The following TASOR2 variants were observed in gnomAD, a reference collection of about 807,000 sequenced individuals.
The protein encoded by TASOR2 is protein TASOR 2.
A neutral mutation model predicts 199.5 loss-of-function variants in TASOR2; 84 were observed. That is an observed-to-expected ratio of 0.42 (90% confidence interval 0.35 to 0.50). The LOEUF (loss-of-function observed/expected upper bound fraction) is 0.50. Ranked by LOEUF, TASOR2 falls within the 20% of genes least tolerant of loss-of-function variation. The probability of loss-of-function intolerance (pLI) is 0.02; values close to 1 mark genes in which losing one functional copy is unlikely to be tolerated. For synonymous variants in TASOR2, 1,103 were observed against 1,046.6 expected, an observed-to-expected ratio of 1.05 and a Z score of -1.04; for missense variants, 2,796 against 2,835.9, an observed-to-expected ratio of 0.99 and a Z score of 0.32.
chr10:5,739,593 C>CTT (rs369547597), intron 12 of TASOR2, 25 bp from the exon 14 acceptor site: 24 of 1,422,574 alleles, frequency 1.7e-5, no homozygotes, highest in African/African-American at 1.2e-4. Context: ...AAACATCTCT[C>CTT]TTTTTTTTTT....
chr10:5,696,171 G>A (rs901273480), intron 1 of TASOR2, among the ~76,000 whole-genome samples: 1 of 152,134 alleles, frequency 6.6e-6, no homozygotes, highest in Non-Finnish European at 1.5e-5. Flanking sequence ...AAACTATCAG[G>A]CTTACGTGCC....
chr10:5,748,496 G>A lies in TASOR2; in HGVS notation c.5075G>A (p.Ser1692Asn). 6.2e-7 allele frequency: 1 copy of A among 1,613,964 alleles called. No homozygotes were observed. The highest frequency in any genetic ancestry group is 8.5e-7 in the Non-Finnish European group (1 of 1,180,042). The change falls in exon 15 of 21, where the codon AGT becomes AAT. Residue 1692 changes from serine to asparagine, a missense_variant. Coordinates refer to ENST00000328090, the Ensembl canonical transcript of TASOR2. This position sits in a 1 kb window ranked among gnomAD's most constrained non-coding sequence, Gnocchi z 5.1. ...GAAATACCAGCAGGCAGAATGGCCA[G>A]TTTGCTTAAGAATGGTGAGCCTGAA...
At chr10:5,761,218 A>T in intron 18 of TASOR2, 72 bp from the exon 20 acceptor site, 1 of 1,356,310 alleles carries the variant, frequency 7.4e-7, no homozygotes, top group Non-Finnish European at 1.0e-6. Context: ...TTGAATGGTT[A>T]AACTGAAGGC....
chr10:5,704,912 C>G (rs983243534), intron 1 of TASOR2, among the ~76,000 whole-genome samples: 2 of 152,094 alleles, frequency 1.3e-5, no homozygotes, highest in Non-Finnish European at 2.9e-5. Context: ...GGTCAGAGAT[C>G]AGTTGTTTTT....
At chr10:5,747,453 A>G (rs376668125) in exon 15 of TASOR2, 2 of 1,614,098 alleles carry the variant, frequency 1.2e-6, no homozygotes, top group African/African-American at 1.3e-5. Context: ...ACAATGTGTC[A>G]GTATATCCCT....
chr10:5,748,546 G>A lies in TASOR2; in HGVS notation c.5125G>A (p.Gly1709Ser), dbSNP rs749691854. The change falls in exon 15 of 21, where the codon GGT becomes AGT. Residue 1709 changes from glycine (G) to serine (S), a missense_variant. Physicochemically the swap from Gly to Ser is moderately conservative, Grantham distance 56. Around this residue, in one of 3 missense-constraint regions of TASOR2, gnomAD observed 1,941 missense variants for 1,924.9 expected, o/e 1.01. Coordinates refer to ENST00000328090, the Ensembl canonical transcript of TASOR2. This position sits in a 1 kb window ranked among gnomAD's most constrained non-coding sequence, Gnocchi z 5.1. ...AGCTGAGTTACATAAAGAAACCACA[G>A]GTCCAGGCACTGCTGGCCCTCAGTC... is the stretch of plus-strand genomic sequence containing the variant. 1 of 1,613,260 alleles carries A rather than the reference G, an allele frequency of 6.2e-7. No homozygotes were observed. The highest frequency in any genetic ancestry group is 2.2e-5 in the East Asian group (1 of 44,906).
chr10:5,728,457 G>A (rs1834350223), intron 10 of TASOR2, among the ~76,000 whole-genome samples: 1 of 151,990 alleles, frequency 6.6e-6, no homozygotes, highest in African/African-American at 2.4e-5. Flanking sequence ...CCAACATGGT[G>A]AAACCCCGTC....
At position 5,740,596 on chromosome 10, in the gene TASOR2, AAG is replaced by A. The variant is rs1379126980; in HGVS notation, c.2327+101_2327+102del. ...TTATGCCAAACTCTGGAGAAGGAGA[AAG>A]AAGTGTTGTGTTTAAAACCAGTAAT... On this transcript the variant is annotated intron_variant, in intron 13 of 20. Transcript: ENST00000328090. This position sits in a 1 kb window ranked among gnomAD's most constrained non-coding sequence, Gnocchi z 5.3. 21 of 1,285,990 alleles carry A rather than the reference AAG, an allele frequency of 1.6e-5. No homozygotes were observed. The highest frequency in any genetic ancestry group is 3.2e-6 in the Non-Finnish European group (3 of 934,914). 79.7% of individuals were successfully genotyped at this position (1,285,990 alleles called of 1,614,324 possible).
At position 5,748,686 on chromosome 10, in the gene TASOR2, T is replaced by C; in HGVS notation, c.5265T>C (p.Gly1755=). 6.2e-7 allele frequency: 1 copy of C among 1,614,194 alleles called. No individual in the cohort carries two copies. The highest frequency in any genetic ancestry group is 8.5e-7 in the Non-Finnish European group (1 of 1,180,042). The stretch of plus-strand genomic sequence containing the variant: ...TCGGGGTTTCCTCCCTTTGTGCTGG[T>C]CCCTACCAAAATACAGCAGACACCA... The change falls in exon 15 of 21, where the codon GGT becomes GGC. Residue 1755 remains glycine, a synonymous_variant. Transcript: ENST00000328090. This position sits in a 1 kb window ranked among gnomAD's most constrained non-coding sequence, Gnocchi z 5.1.
exon 15 of TASOR2, chr10:5,749,786 T>C: frequency 2.5e-6 from 4 of 1,614,168 alleles, no homozygotes; most frequent in Non-Finnish European, 2.5e-6. Flanking sequence ...AACAAGGTGA[T>C]GAAGAATAGC....
chr10:5,755,448 C>T (rs1456149662), intron 15 of TASOR2, among the ~76,000 whole-genome samples: 1 of 151,990 alleles, frequency 6.6e-6, no homozygotes. Flanking sequence ...GTGGCGGGCA[C>T]CTGTAATCCC....
intron 1 of TASOR2, among the ~76,000 whole-genome samples, chr10:5,702,664 T>G (rs969059199): frequency 2.8e-5 from 3 of 108,412 alleles, no homozygotes; most frequent in Non-Finnish European, 5.4e-5. Context: ...TTTTTTTTGG[T>G]AAGTAAGGAT....
intron 1 of TASOR2, among the ~76,000 whole-genome samples, chr10:5,702,893 T>C (rs1275148581): frequency 6.6e-6 from 1 of 152,056 alleles, no homozygotes; most frequent in Non-Finnish European, 1.5e-5. Context: ...AAAGATCATA[T>C]AAAGAAAATC....
At chr10:5,749,710 TACA>T (rs771235456) in exon 15 of TASOR2, 1 of 1,614,204 alleles carries the variant, frequency 6.2e-7, no homozygotes, top group Non-Finnish European at 8.5e-7. Context: ...CAAACTGAAA[TACA>T]ACAGTACTGT....
chr10:5,716,538 C>T (rs1456534688), intron 2 of TASOR2, among the ~76,000 whole-genome samples: 1 of 152,044 alleles, frequency 6.6e-6, no homozygotes, highest in Non-Finnish European at 1.5e-5. Context: ...TTTCACCCCA[C>T]CCTCATTTCA....
At chr10:5,711,729 C>T (rs1350944266) in intron 1 of TASOR2, among the ~76,000 whole-genome samples, 2 of 152,048 alleles carry the variant, frequency 1.3e-5, no homozygotes, top group Non-Finnish European at 2.9e-5. Context: ...AAAGCTATCT[C>T]ACATGGGTAT....
intron 1 of TASOR2, among the ~76,000 whole-genome samples, chr10:5,694,228 G>C (rs1052955905): frequency 2.6e-5 from 4 of 152,342 alleles, no homozygotes; most frequent in African/African-American, 9.6e-5. Context: ...ATGAGGTATA[G>C]GAAATTGGCA....
intron 2 of TASOR2, 182 bp downstream of exon 3, chr10:5,714,389 G>A: frequency 2.6e-6 from 1 of 381,084 alleles, no homozygotes; most frequent in Non-Finnish European, 4.6e-6. Flanking sequence ...AAACTTAACA[G>A]TATTTTTCAG....
Position 5,738,308 on chromosome 10 carries a change from T to G in TASOR2, c.1448-1310T>G, listed in dbSNP as rs984344274. On this transcript the variant is annotated intron_variant, in intron 12 of 20. Coordinates refer to ENST00000328090, the Ensembl canonical transcript of TASOR2. The surrounding 1 kb of genome is among the most constrained non-coding windows in gnomAD (Gnocchi z 4.7). ...GGGTGATTTATGTGAGACTATAATA[T>G]GTTAAACTACCATTTTTCTTTATTT... Among the ~76,000 whole-genome samples, 1 of 152,232 alleles carries G rather than the reference T, an allele frequency of 6.6e-6. No individual in the cohort carries two copies. Among genetic ancestry groups the G allele is most frequent in the African/African-American group, 2.4e-5 (1 of 41,460 alleles).
Sources: gnomAD v4.1 joint callset for allele counts (sites outside exome capture counted in the v4.1 genomes callset) on GRCh38, gnomAD v4.1.1 for gene constraint, gnomAD v4.1.1 regional missense constraint, Gnocchi (gnomAD v3.1) non-coding constraint, MANE v1.5 for transcripts, NCBI Gene and HGNC (gene_info 2026-07-23, HGNC 2026-07-21) for gene names.